The following GPBP1 variants were observed in gnomAD, a reference collection of about 807,000 sequenced individuals.
GPBP1 encodes the protein GC-rich promoter binding protein 1.
GPBP1 carries 13 observed loss-of-function variants against 56.5 expected under a neutral mutation model. That is an observed-to-expected ratio of 0.23 (90% CI 0.15 to 0.37). The LOEUF (loss-of-function observed/expected upper bound fraction) is 0.37. Among genes scored for constraint, GPBP1 ranks in the 10% least tolerant of loss-of-function variants. The probability of loss-of-function intolerance (pLI) is 1.00; values close to 1 mark genes in which losing one functional copy is unlikely to be tolerated. For synonymous variants in GPBP1, 204 were observed against 188.9 expected, an observed-to-expected ratio of 1.08 and a Z score of -0.66; for missense variants, 477 against 572.3, an observed-to-expected ratio of 0.83 and a Z score of 1.70.
chr5:57,197,467 C>T (rs1754817687), intron 2 of GPBP1, among the ~76,000 whole-genome samples: 1 of 143,966 alleles, frequency 6.9e-6, no homozygotes, highest in Non-Finnish European at 1.5e-5. Context: ...AAGCAGTTCT[C>T]CTGCCTCAGC....
Position 57,177,225 on chromosome 5 carries a change from A to C in GPBP1, c.-58+825A>C, listed in dbSNP as rs1424856605. ...TTGCTATAATAGAAATTGTTTTGACAGGTGAGAGAGTTATCGTTTAATGTT... is the reference window on the plus strand; with the variant it reads ...TTGCTATAATAGAAATTGTTTTGACCGGTGAGAGAGTTATCGTTTAATGTT... On this transcript the variant is annotated intron_variant, in intron 2 of 11. Transcript: ENST00000506184. 3.3e-5 allele frequency among the ~76,000 whole-genome samples: 5 copies of C among 152,210 alleles called. 1 individual carries two copies. Among genetic ancestry groups the C allele is most frequent in the Non-Finnish European group, 5.9e-5 (4 of 68,044 alleles).
At position 57,231,253 on chromosome 5, in the gene GPBP1, A is replaced by G. The variant is rs1359742496; in HGVS notation, c.343A>G (p.Ile115Val). ...GKSQGLHENN[I>V]PDNETGRKED... ...AAGCCAAGGACTACATGAAAACAACATACCTGACAATGAAACCGGGAGGAA... is the reference window on the plus strand; with the variant it reads ...AAGCCAAGGACTACATGAAAACAACGTACCTGACAATGAAACCGGGAGGAA... The change falls in exon 5 of 12, where the codon ATA (isoleucine) becomes GTA (valine). Residue 115 changes from isoleucine (I) to valine (V), a missense_variant. Transcript: ENST00000506184. 5 of 1,614,196 alleles carry G rather than the reference A, an allele frequency of 3.1e-6. No individual in the cohort carries two copies. The highest frequency in any genetic ancestry group is 2.2e-5 in the South Asian group (2 of 91,086).
At chr5:57,202,366 G>A (rs546257706) in intron 2 of GPBP1, among the ~76,000 whole-genome samples, 41 of 152,258 alleles carry the variant, frequency 2.7e-4, no homozygotes, top group African/African-American at 9.6e-4. Context: ...TTGGCTCGCT[G>A]CAAGCTTCAC....
chr5:57,190,000 C>G (rs1331568353), intron 2 of GPBP1, among the ~76,000 whole-genome samples: 1 of 152,158 alleles, frequency 6.6e-6, no homozygotes, highest in Non-Finnish European at 1.5e-5. Context: ...TATTATTTCA[C>G]TTAAAGCACA....
chr5:57,188,199 G>A (rs561584999), intron 2 of GPBP1, among the ~76,000 whole-genome samples: 43 of 150,292 alleles, frequency 2.9e-4, no homozygotes, highest in Non-Finnish European at 5.0e-4. Flanking sequence ...AGCTGAGATC[G>A]CACCACTGCA....
chr5:57,225,274 T>C (rs1483433234), intron 3 of GPBP1, among the ~76,000 whole-genome samples: 1 of 143,286 alleles, frequency 7.0e-6, no homozygotes, highest in East Asian at 3.9e-4. Flanking sequence ...CTGGCTAACA[T>C]GGTGAAACCC....
chr5:57,202,412 C>T (rs970054186), intron 2 of GPBP1, among the ~76,000 whole-genome samples: 3 of 152,088 alleles, frequency 2.0e-5, no homozygotes, highest in African/African-American at 7.2e-5. Context: ...CCTCAGCGTC[C>T]TGAGTAGCTG....
chr5:57,205,328 A>G (rs2111719274), intron 2 of GPBP1, among the ~76,000 whole-genome samples: 1 of 152,146 alleles, frequency 6.6e-6, no homozygotes, highest in South Asian at 2.1e-4. Flanking sequence ...CTATTGATGG[A>G]CATTTGGGGT....
intron 2 of GPBP1, among the ~76,000 whole-genome samples, chr5:57,201,684 T>C (rs563682664): frequency 6.6e-6 from 1 of 152,336 alleles, no homozygotes; most frequent in African/African-American, 2.4e-5. Flanking sequence ...CATTCTTTTT[T>C]ATATTAAAAC....
chr5:57,213,265 G>T (rs1432340832), intron 2 of GPBP1, among the ~76,000 whole-genome samples: 2 of 151,986 alleles, frequency 1.3e-5, no homozygotes, highest in African/African-American at 2.4e-5. Flanking sequence ...TGGCTAGGCT[G>T]GTCTCGAACT....
intron 2 of GPBP1, among the ~76,000 whole-genome samples, chr5:57,183,400 A>T (rs1754146641): frequency 6.6e-6 from 1 of 152,048 alleles, no homozygotes. Context: ...ACATACAAAC[A>T]TATGTACAAC....
intron 2 of GPBP1, among the ~76,000 whole-genome samples, chr5:57,176,695 T>G (rs1420185206): frequency 6.6e-6 from 1 of 152,210 alleles, no homozygotes; most frequent in East Asian, 1.9e-4. Context: ...CCTTAGGCTT[T>G]GAAGATTCAT....
chr5:57,227,724 T>C (rs769281228), intron 3 of GPBP1, among the ~76,000 whole-genome samples: 11 of 152,224 alleles, frequency 7.2e-5, no homozygotes, highest in Non-Finnish European at 1.5e-4. Flanking sequence ...ATCACGCTTA[T>C]GCTGCTTGCT....
At chr5:57,219,259 CCAGCTACTCGGGAGGCT>C (rs2111789769) in intron 3 of GPBP1, among the ~76,000 whole-genome samples, 1 of 150,896 alleles carries the variant, frequency 6.6e-6, no homozygotes, top group East Asian at 1.9e-4. Context: ...GCCTGTGGTC[CCAGCTACTCGGGAGGCT>C]GAGGCAGGAG....
At chr5:57,188,209 A>T (rs529016609) in intron 2 of GPBP1, among the ~76,000 whole-genome samples, 1 of 150,662 alleles carries the variant, frequency 6.6e-6, no homozygotes, top group African/African-American at 2.4e-5. Context: ...GCACCACTGC[A>T]CTCTAGGCTG....
chr5:57,204,744 G>A (rs942457320), intron 2 of GPBP1, among the ~76,000 whole-genome samples: 1 of 152,126 alleles, frequency 6.6e-6, no homozygotes, highest in African/African-American at 2.4e-5. Flanking sequence ...ACCTGTTACT[G>A]ATGTTGTTCA....
intron 3 of GPBP1, among the ~76,000 whole-genome samples, chr5:57,222,958 A>G (rs1286922111): frequency 1.3e-5 from 2 of 152,146 alleles, no homozygotes; most frequent in Non-Finnish European, 2.9e-5. Flanking sequence ...TAGAAATTTT[A>G]TCTCAGAATT....
intron 2 of GPBP1, among the ~76,000 whole-genome samples, chr5:57,211,733 A>G (rs1445386566): frequency 1.3e-5 from 2 of 151,362 alleles, no homozygotes; most frequent in African/African-American, 4.9e-5. Flanking sequence ...ACAGGCATGC[A>G]CCACCACGCC....
At chr5:57,229,614 G>T (rs1205340243) in intron 3 of GPBP1, among the ~76,000 whole-genome samples, 1 of 151,576 alleles carries the variant, frequency 6.6e-6, no homozygotes, top group Admixed American at 6.6e-5. Flanking sequence ...CACTGCAACT[G>T]CAACCTGCCT....
Sources: allele counts gnomAD v4.1 joint callset (sites outside exome capture counted in the v4.1 genomes callset), GRCh38; gene constraint gnomAD v4.1.1; transcripts MANE v1.5; gene names NCBI Gene and HGNC (gene_info 2026-07-23, HGNC 2026-07-21).